STXBP5L: variants seen among roughly 807,000 people sequenced by gnomAD.
STXBP5L encodes the protein syntaxin-binding protein 5-like.
Under a neutral mutation model 144.5 loss-of-function variants are expected in STXBP5L, and 65 were observed. That is an observed-to-expected ratio of 0.45 (90% CI 0.37 to 0.55). The LOEUF (loss-of-function observed/expected upper bound fraction) is 0.55. STXBP5L is among the 20% of genes least tolerant of loss of function. The probability of loss-of-function intolerance (pLI) is 0.00; values close to 1 mark genes in which losing one functional copy is unlikely to be tolerated. For missense variants in STXBP5L, 1,298 were observed against 1,405.5 expected (o/e 0.92, Z 1.22); for synonymous variants, 505 against 469.6 (o/e 1.08, Z -0.97).
intron 3 of STXBP5L, among the ~76,000 whole-genome samples, chr3:121,002,475 A>T (rs664770): frequency 0.48 from 72,148 of 151,862 alleles, 17,739 homozygotes; most frequent in African/African-American, 0.56. Flanking sequence ...AATAAATATG[A>T]TCTGCTAATC....
At chr3:120,951,748 G>T (rs547877428) in intron 2 of STXBP5L, among the ~76,000 whole-genome samples, 2 of 152,180 alleles carry the variant, frequency 1.3e-5, no homozygotes, top group Middle Eastern at 3.4e-3. Flanking sequence ...TCAGTGTGGC[G>T]ATTCCTCAGG....
At chr3:121,115,806 T>A (rs1275263228) in intron 6 of STXBP5L, among the ~76,000 whole-genome samples, 1 of 152,090 alleles carries the variant, frequency 6.6e-6, no homozygotes, top group Non-Finnish European at 1.5e-5. Flanking sequence ...GGAGCAGGCA[T>A]GTCATATAAT....
chr3:121,412,500 A>G (rs1020991606), intron 23 of STXBP5L, among the ~76,000 whole-genome samples: 1 of 152,114 alleles, frequency 6.6e-6, no homozygotes, highest in Admixed American at 6.6e-5. Flanking sequence ...GCCATTGGAT[A>G]ATACTGAATC....
intron 20 of STXBP5L, among the ~76,000 whole-genome samples, chr3:121,337,101 G>T (rs957153621): frequency 2.0e-5 from 3 of 152,084 alleles, no homozygotes; most frequent in African/African-American, 7.2e-5. Context: ...ACTTGAGGGT[G>T]GTGGGTGGGA....
intron 22 of STXBP5L, among the ~76,000 whole-genome samples, chr3:121,404,390 T>G (rs2046950822): frequency 6.6e-6 from 1 of 152,114 alleles, no homozygotes; most frequent in African/African-American, 2.4e-5. Flanking sequence ...ACTAATACAC[T>G]AACCTCTTCA....
At position 121,296,578 on chromosome 3, in the gene STXBP5L, A is replaced by G. The variant is rs79247191; in HGVS notation, c.2110+16622A>G. ...AGAGTGATACATTCAAAGAAGTCTA[A>G]TTAACTGAATGCCAGACAGAGAAGA... is the stretch of plus-strand genomic sequence containing the variant. On this transcript the variant is annotated intron_variant, in intron 19 of 26. Transcript: ENST00000471454. 2.0e-3 allele frequency among the ~76,000 whole-genome samples: 303 copies of G among 152,336 alleles called. 5 individuals are homozygous for G. In the East Asian group the frequency reaches 0.054, roughly 27 times the overall value.
At position 121,013,013 on chromosome 3, in the gene STXBP5L, T is replaced by G. The variant is rs529158362; in HGVS notation, c.288-28687T>G. Among the ~76,000 whole-genome samples, 22 of 83,490 alleles carry G rather than the reference T, an allele frequency of 2.6e-4. No homozygotes were observed. The South Asian group carries it at 0.011, about 44-fold the overall frequency. 54.8% of individuals were successfully genotyped at this position (83,490 alleles called of 152,430 possible). A position where few individuals can be genotyped will look rare whatever the true frequency, so the allele number is the denominator to read the frequency against. On this transcript the variant is annotated intron_variant, in intron 3 of 26. Coordinates refer to ENST00000471454, the MANE Select transcript of STXBP5L (RefSeq NM_001308330.2). The stretch of plus-strand genomic sequence containing the variant: ...TCCAGCTGCATCCATGTTGCTGCAA[T>G]GGACACGATTTTATTCTTTTTTTTT...
intron 11 of STXBP5L, among the ~76,000 whole-genome samples, chr3:121,229,508 T>TA (rs1200194978): frequency 1.3e-5 from 2 of 152,170 alleles, no homozygotes; most frequent in Non-Finnish European, 2.9e-5. Context: ...ATTTGCCTGT[T>TA]ACATATCATT....
intron 4 of STXBP5L, 87 bp downstream of exon 4, chr3:121,041,868 C>G: frequency 3.4e-6 from 3 of 873,416 alleles, no homozygotes; most frequent in Non-Finnish European, 5.6e-6. Context: ...TACTGTGATT[C>G]TAAATGCTTA....
intron 2 of STXBP5L, among the ~76,000 whole-genome samples, chr3:120,939,070 A>G (rs1327310400): frequency 6.6e-6 from 1 of 152,184 alleles, no homozygotes; most frequent in East Asian, 1.9e-4. Context: ...GGCTTGTGTC[A>G]GGACTCCTGG....
At chr3:121,173,142 A>G (rs1174103713) in intron 9 of STXBP5L, among the ~76,000 whole-genome samples, 1 of 152,002 alleles carries the variant, frequency 6.6e-6, no homozygotes, top group East Asian at 1.9e-4. Flanking sequence ...ACACATGGAA[A>G]CACAGGGAGG....
chr3:120,974,997 T>G (rs1940778127), intron 3 of STXBP5L, among the ~76,000 whole-genome samples: 1 of 152,164 alleles, frequency 6.6e-6, no homozygotes. Context: ...GCTTTGTTCT[T>G]TTGGCTTAGG....
intron 12 of STXBP5L, among the ~76,000 whole-genome samples, chr3:121,237,858 T>C (rs1366869672): frequency 6.6e-6 from 1 of 152,226 alleles, no homozygotes; most frequent in Non-Finnish European, 1.5e-5. Context: ...GGTTCTTTGC[T>C]ACAGTGCAAC....
In STXBP5L at chr3:120,966,060, T is replaced by G. The variant is rs373513513; in HGVS notation, c.287+11023T>G. Among the ~76,000 whole-genome samples the G allele has an allele frequency of 7.9e-5, 12 of 152,322 alleles. No individual in the cohort carries two copies. The East Asian group carries it at 2.3e-3, about 29-fold the overall frequency. On this transcript the variant is annotated intron_variant, in intron 3 of 26. Transcript: ENST00000471454. ...CCATCACTGATACCCTTTCTTCCAC[T>G]TGATCGAATCAGCTTTTGAAGCTTG... is the stretch of plus-strand genomic sequence containing the variant.
At chr3:121,415,123 A>G (rs1437016124) in intron 24 of STXBP5L, among the ~76,000 whole-genome samples, 7 of 152,170 alleles carry the variant, frequency 4.6e-5, no homozygotes, top group Non-Finnish European at 8.8e-5. Flanking sequence ...ATATTAGGTC[A>G]CAGATCTCCT....
At chr3:121,358,188 G>C (rs1047555048) in intron 20 of STXBP5L, among the ~76,000 whole-genome samples, 6 of 152,058 alleles carry the variant, frequency 3.9e-5, no homozygotes, top group Admixed American at 6.6e-5. Context: ...CTATTGTTCT[G>C]TCAAATAGTA....
intron 10 of STXBP5L, among the ~76,000 whole-genome samples, chr3:121,222,802 T>C (rs2049012373): frequency 6.6e-6 from 1 of 152,174 alleles, no homozygotes; most frequent in Admixed American, 6.6e-5. Context: ...ATTAGTAAAT[T>C]TAATGTGAGA....
At chr3:121,023,343 C>T (rs1337814914) in intron 3 of STXBP5L, among the ~76,000 whole-genome samples, 1 of 152,022 alleles carries the variant, frequency 6.6e-6, no homozygotes, top group Non-Finnish European at 1.5e-5. Flanking sequence ...AAATTCAATG[C>T]AATTATCATC....
rs550065378 is a variant in STXBP5L at position 121,374,765 on chromosome 3, G to T, written c.2177-3951G>T. 2.5e-3 allele frequency among the ~76,000 whole-genome samples: 377 copies of T among 152,114 alleles called. 2 individuals carry two copies. Among genetic ancestry groups the T allele is most frequent in the South Asian group, 0.024 (117 of 4,816 alleles). On this transcript the variant is annotated intron_variant, in intron 20 of 26. Transcript: ENST00000471454. ...TTTGAAATAACCCAATCAGACAAAG[G>T]TGGTATGGGGGTGTTGTGGAGGGAG... is the stretch of plus-strand genomic sequence containing the variant.
Sources: gnomAD v4.1 joint callset for allele counts (sites outside exome capture counted in the v4.1 genomes callset) on GRCh38, gnomAD v4.1.1 for gene constraint, MANE v1.5 for transcripts, NCBI Gene and HGNC (gene_info 2026-07-23, HGNC 2026-07-21) for gene names.